GABRB2: variants seen among roughly 807,000 people sequenced by gnomAD.
GABRB2 encodes the protein gamma-aminobutyric acid type A receptor subunit beta2, also known as gamma-aminobutyric acid receptor subunit beta-2.
Under a neutral mutation model 54.7 loss-of-function variants are expected in GABRB2, and 16 were observed. The observed-to-expected ratio is 0.29, with a 90% CI of 0.20 to 0.44. GABRB2 has a LOEUF of 0.44. GABRB2 is among the 20% of genes least tolerant of loss of function. GABRB2 has a pLI of 1.00. For missense variants in GABRB2, 355 were observed against 644.0 expected (o/e 0.55, Z 4.86); for synonymous variants, 244 against 233.8 (o/e 1.04, Z -0.40).
At chr5:161,476,599 G>T (rs1199568160) in intron 3 of GABRB2, among the ~76,000 whole-genome samples, 1 of 151,768 alleles carries the variant, frequency 6.6e-6, no homozygotes, top group Non-Finnish European at 1.5e-5. Context: ...CAAATGTATG[G>T]CCAATGGAAT....
At chr5:161,334,337 A>G (rs1753931431) in intron 7 of GABRB2, among the ~76,000 whole-genome samples, 1 of 152,148 alleles carries the variant, frequency 6.6e-6, no homozygotes, top group Non-Finnish European at 1.5e-5. Context: ...TGTTAACAAG[A>G]CTTTAGAATT....
chr5:161,447,793 C>G (rs1757679235), intron 4 of GABRB2, among the ~76,000 whole-genome samples: 1 of 152,120 alleles, frequency 6.6e-6, no homozygotes, highest in East Asian at 1.9e-4. Context: ...CAGTAACTTC[C>G]ATAGGTTGTG....
intron 5 of GABRB2, among the ~76,000 whole-genome samples, chr5:161,340,942 A>G (rs1338463349): frequency 6.6e-6 from 1 of 152,050 alleles, no homozygotes; most frequent in African/African-American, 2.4e-5. Flanking sequence ...GACACAATAA[A>G]CACCACACTG....
At chr5:161,459,569 A>T (rs569930061) in intron 4 of GABRB2, 55 bp downstream of exon 4, 12 of 1,397,436 alleles carry the variant, frequency 8.6e-6, no homozygotes, top group Non-Finnish European at 1.1e-5. Context: ...ATCCAATGAA[A>T]ATTAACAGCT....
At chr5:161,302,283 G>A (rs1269170125) in intron 9 of GABRB2, among the ~76,000 whole-genome samples, 1 of 152,140 alleles carries the variant, frequency 6.6e-6, no homozygotes, top group Non-Finnish European at 1.5e-5. Context: ...AAAGAAACAG[G>A]CTTGGTTAAC....
intron 9 of GABRB2, among the ~76,000 whole-genome samples, chr5:161,303,823 T>C (rs1243444539): frequency 1.3e-5 from 2 of 151,438 alleles, no homozygotes; most frequent in Non-Finnish European, 3.0e-5. Context: ...TAATCCCATG[T>C]TACTGTCTCT....
chr5:161,476,333 C>T (rs1758590123), intron 3 of GABRB2, among the ~76,000 whole-genome samples: 2 of 151,782 alleles, frequency 1.3e-5, no homozygotes, highest in African/African-American at 2.4e-5. Context: ...GTTTGGAAGG[C>T]TTAGTATTGT....
chr5:161,453,238 A>G (rs929982822), intron 4 of GABRB2, among the ~76,000 whole-genome samples: 1 of 152,218 alleles, frequency 6.6e-6, no homozygotes, highest in Non-Finnish European at 1.5e-5. Flanking sequence ...CTTGATGGAA[A>G]TCTCTAAAGA....
At chr5:161,317,995 G>A (rs1758093478) in intron 9 of GABRB2, among the ~76,000 whole-genome samples, 1 of 151,998 alleles carries the variant, frequency 6.6e-6, no homozygotes, top group South Asian at 2.1e-4. Flanking sequence ...TCTTATAGAT[G>A]CATAAATCGT....
intron 3 of GABRB2, among the ~76,000 whole-genome samples, chr5:161,524,704 ATC>A (rs893938757): frequency 2.8e-4 from 42 of 151,412 alleles, no homozygotes; most frequent in Middle Eastern, 3.4e-3. Context: ...ATACAACATG[ATC>A]TGTTTTTAAT....
chr5:161,350,303 C>T (rs1754434794), intron 5 of GABRB2, among the ~76,000 whole-genome samples: 2 of 151,930 alleles, frequency 1.3e-5, no homozygotes, highest in Admixed American at 1.3e-4. Context: ...CCAAAAGGTG[C>T]CACCAAAAAT....
chr5:161,528,138 A>C (rs1760339015), intron 3 of GABRB2, among the ~76,000 whole-genome samples: 1 of 151,766 alleles, frequency 6.6e-6, no homozygotes, highest in Non-Finnish European at 1.5e-5. Context: ...AAAATTATAG[A>C]TTACATCAAG....
intron 8 of GABRB2, chr5:161,326,952 TA>T (rs1395455599): frequency 6.2e-6 from 6 of 974,904 alleles, no homozygotes; most frequent in Non-Finnish European, 6.1e-6. Context: ...GGAAACAATA[TA>T]AAGCTTAAAA....
At chr5:161,422,554 C>T (rs563583173) in intron 4 of GABRB2, among the ~76,000 whole-genome samples, 2 of 152,192 alleles carry the variant, frequency 1.3e-5, no homozygotes, top group Non-Finnish European at 2.9e-5. Flanking sequence ...GTACAAATGA[C>T]TAAAATTATA....
chr5:161,369,274 A>T (rs1755062056), intron 5 of GABRB2, among the ~76,000 whole-genome samples: 1 of 152,210 alleles, frequency 6.6e-6, no homozygotes, highest in Non-Finnish European at 1.5e-5. Context: ...CTGTGAGACC[A>T]TTGAATTGTT....
chr5:161,419,328 G>T (rs1415020947), intron 4 of GABRB2, among the ~76,000 whole-genome samples: 2 of 152,060 alleles, frequency 1.3e-5, no homozygotes, highest in Non-Finnish European at 2.9e-5. Context: ...GCAAGGACAT[G>T]GTGAAAAGGG....
intron 3 of GABRB2, among the ~76,000 whole-genome samples, chr5:161,527,511 C>T (rs1760319532): frequency 6.6e-6 from 1 of 151,288 alleles, no homozygotes; most frequent in Non-Finnish European, 1.5e-5. Context: ...TAAATAAAAA[C>T]CTTCTGGACA....
At chr5:161,310,672 C>T (rs940113256) in intron 9 of GABRB2, among the ~76,000 whole-genome samples, 7 of 120,202 alleles carry the variant, frequency 5.8e-5, no homozygotes, top group East Asian at 2.4e-4. Context: ...CGCACGCGCA[C>T]GCGCGCACAC....
chr5:161,351,544 C>G (rs1394536169), intron 5 of GABRB2, among the ~76,000 whole-genome samples: 1 of 151,998 alleles, frequency 6.6e-6, no homozygotes, highest in African/African-American at 2.4e-5. Context: ...ATACAAAAAT[C>G]TATTCAAAAT....
Sources: gnomAD v4.1 joint callset for allele counts (sites outside exome capture counted in the v4.1 genomes callset) on GRCh38, gnomAD v4.1.1 for gene constraint, MANE v1.5 for transcripts, NCBI Gene and HGNC (gene_info 2026-07-23, HGNC 2026-07-21) for gene names.